The following CAPN6 variants were observed in gnomAD, a reference collection of about 807,000 sequenced individuals.
CAPN6 encodes calpain 6, also known as calpain-6.
In CAPN6, 16 loss-of-function variants were observed where a neutral mutation model predicts 46.0. The observed-to-expected ratio is 0.35, with a 90% CI of 0.24 to 0.53. The LOEUF (loss-of-function observed/expected upper bound fraction) is 0.53. CAPN6 is among the 20% of genes least tolerant of loss of function. The probability of loss-of-function intolerance (pLI) is 0.94; values close to 1 mark genes in which losing one functional copy is unlikely to be tolerated. For missense variants in CAPN6, 461 were observed against 498.0 expected (o/e 0.93, Z 0.71); for synonymous variants, 206 against 172.8 (o/e 1.19, Z -1.51).
At chrX:111,246,900 A>G in intron 12 of CAPN6, 141 bp from the exon 13 acceptor site, 2 of 486,762 alleles carry the variant, frequency 4.1e-6, no homozygotes, top group Non-Finnish European at 6.6e-6. Flanking sequence ...CTGATAGCCC[A>G]TCAGTTGAGG....
At chrX:111,246,804 A>G (rs199510760) in intron 12 of CAPN6, 45 bp from the exon 13 acceptor site, 189 of 1,073,299 alleles carry the variant, frequency 1.8e-4, no homozygotes, top group Non-Finnish European at 2.1e-4. Context: ...GCCCTCAGTG[A>G]GATTAGCCTT....
intron 1 of CAPN6, among the ~76,000 whole-genome samples, chrX:111,266,032 T>G (rs1366811318): frequency 9.1e-6 from 1 of 109,786 alleles, no homozygotes; most frequent in East Asian, 2.9e-4. Flanking sequence ...CGGAACACCT[T>G]TTGGGTCAGG....
At chrX:111,256,092 G>GA (rs2094983517) in intron 2 of CAPN6, among the ~76,000 whole-genome samples, 1 of 111,446 alleles carries the variant, frequency 9.0e-6, no homozygotes, top group Admixed American at 9.5e-5. Flanking sequence ...TTTTGAGCAA[G>GA]ATGTCAAAGT....
Position 111,248,997 on chromosome X carries a change from G to C in CAPN6, c.1219C>G (p.Leu407Val). The change falls in exon 9 of 13, where the codon CTG becomes GTG. Residue 407 changes from leucine to valine, a missense_variant. Physicochemically the swap from Leu to Val is conservative, Grantham distance 32 (BLOSUM62 1). Coordinates refer to ENST00000324068, the MANE Select transcript of CAPN6 (RefSeq NM_014289.4). ...CTTCCCATTCGGCGGTAAGTGCGCAGGTCCTTCTGCTGCAGTGACATAATG... is the reference window on the plus strand; with the variant it reads ...CTTCCCATTCGGCGGTAAGTGCGCACGTCCTTCTGCTGCAGTGACATAATG... ...KVIMSLQQKDLRTYRRMGRPD... is the reference protein window; with the variant it reads ...KVIMSLQQKDVRTYRRMGRPD... 1.7e-6 allele frequency: 2 copies of C among 1,211,260 alleles called. No individual in the cohort carries two copies. The highest frequency in any genetic ancestry group is 2.2e-6 in the Non-Finnish European group (2 of 895,087).
At chrX:111,252,920 G>T in intron 4 of CAPN6, 88 bp downstream of exon 4, 2 of 765,448 alleles carry the variant, frequency 2.6e-6, no homozygotes, top group Non-Finnish European at 3.8e-6. Flanking sequence ...CTCCAGGGTT[G>T]GGCTGGGAGA....
At chrX:111,250,842 CAG>C in intron 8 of CAPN6, 73 bp downstream of exon 8, 2 of 951,134 alleles carry the variant, frequency 2.1e-6, no homozygotes, top group Non-Finnish European at 3.0e-6. Context: ...AGAAATACTC[CAG>C]AGATGACCAA....
Position 111,246,692 on chromosome X carries a change from T to C in CAPN6, c.1811A>G (p.Asp604Gly), listed in dbSNP as rs1309630761. Residue 604 changes from aspartate to glycine, a missense_variant, in exon 13 of 13, where the codon GAC (aspartate) becomes GGC (glycine). Coordinates refer to ENST00000324068, the MANE Select transcript of CAPN6 (RefSeq NM_014289.4). ...GTACAGAGACTTCAGATCACGGCAG[T>C]CGCTGGGGTCAGCATCCAGAGTAAC... ...GQVTLDADPS[D>G]CRDLKSLYLR... The C allele has an allele frequency of 8.3e-7, 1 of 1,210,872 alleles. No homozygotes were observed. Among genetic ancestry groups the C allele is most frequent in the South Asian group, 1.8e-5 (1 of 56,884 alleles).
chrX:111,268,297 A>G (rs2094993495), intron 1 of CAPN6, among the ~76,000 whole-genome samples: 1 of 112,639 alleles, frequency 8.9e-6, no homozygotes, highest in Admixed American at 9.4e-5. Context: ...AAATGATAAA[A>G]GGAACACAGG....
chrX:111,253,139 G>C lies in CAPN6; in HGVS notation c.375C>G (p.Phe125Leu). 8.3e-7 allele frequency: 1 copy of C among 1,211,204 alleles called. No homozygotes were observed. Among genetic ancestry groups the C allele is most frequent in the Non-Finnish European group, 1.1e-6 (1 of 894,786 alleles). The change falls in exon 4 of 13, where the codon TTC (phenylalanine) becomes TTG (leucine). Residue 125 changes from phenylalanine (F) to leucine (L), a missense_variant. Physicochemically the swap from Phe to Leu is conservative, Grantham distance 22. Transcript: ENST00000324068. ...EKYAGIFHFR[F>L]WHFGEWTEVV... ...CTTCAGTCCATTCTCCAAAATGCCA[G>C]AAACGAAAGTGAAATATCCCAGCGT...
chrX:111,248,856 A>G (rs975305637), intron 9 of CAPN6, 79 bp downstream of exon 9: 1 of 1,187,633 alleles, frequency 8.4e-7, no homozygotes, highest in African/African-American at 1.8e-5. Flanking sequence ...TAGGCCTTCC[A>G]TTCTTCCCCT....
chrX:111,254,761 A>G (rs1437871718), intron 2 of CAPN6, among the ~76,000 whole-genome samples: 1 of 111,602 alleles, frequency 9.0e-6, no homozygotes, highest in East Asian at 2.8e-4. Context: ...TTAGTACATT[A>G]CATTCTGATC....
chrX:111,251,386 C>G (rs2094979355), intron 6 of CAPN6, 100 bp from the exon 7 acceptor site: 2 of 958,370 alleles, frequency 2.1e-6, no homozygotes, highest in Non-Finnish European at 2.9e-6. Flanking sequence ...GCATGAGGAT[C>G]AGTCCTGCTT....
At chrX:111,251,168 G>A (rs1283210239) in intron 7 of CAPN6, 41 bp downstream of exon 7, 2 of 1,200,697 alleles carry the variant, frequency 1.7e-6, no homozygotes, top group African/African-American at 3.5e-5. Flanking sequence ...GTAGTTCCAT[G>A]TAGAAGCCCC....
At chrX:111,270,321 TC>T (rs764502559) in intron 1 of CAPN6, 49 bp downstream of exon 1, 29 of 290,184 alleles carry the variant, frequency 1.0e-4, no homozygotes, top group Non-Finnish European at 1.8e-4. Context: ...CGCTAAGTTA[TC>T]CAGGAAATAA....
intron 2 of CAPN6, among the ~76,000 whole-genome samples, chrX:111,258,752 A>G: frequency 8.9e-6 from 1 of 112,163 alleles, no homozygotes; most frequent in South Asian, 3.8e-4. Flanking sequence ...TCACTGTGTA[A>G]TCATTTTCTC....
chrX:111,246,302 CA>C lies in CAPN6; in HGVS notation c.*274del. On this transcript the variant is annotated 3_prime_UTR_variant, in exon 13 of 13. Coordinates refer to ENST00000324068, the MANE Select transcript of CAPN6 (RefSeq NM_014289.4). ...TCTTGTTATTGTCCTACTTGAATCT[CA>C]CCCCCGGAAGCCCCAGAGATCCTTT... The C allele has an allele frequency of 3.1e-6, 1 of 326,094 alleles. No homozygotes were observed. The highest frequency in any genetic ancestry group is 5.3e-6 in the Non-Finnish European group (1 of 187,319). The allele number at this position is 326,094 out of a possible 1,213,427, so 26.9% of individuals were successfully genotyped here.
chrX:111,253,333 G>C, intron 3 of CAPN6, 117 bp from the exon 4 acceptor site: 2 of 560,702 alleles, frequency 3.6e-6, no homozygotes, highest in South Asian at 2.9e-5. Flanking sequence ...ACATACACCT[G>C]GTTTGAGTCT....
Position 111,252,436 on chromosome X carries a change from C to A in CAPN6, c.570G>T (p.Thr190=). 13 of 1,210,950 alleles carry A rather than the reference C, an allele frequency of 1.1e-5. No homozygotes were observed. The highest frequency in any genetic ancestry group is 1.5e-5 in the Non-Finnish European group (13 of 894,948). The part of the protein sequence containing the change: ...LTITDIIVDF[T]GTLAETVDMQ... ...TGTCAACAGTTTCAGCCAATGTGCCCGTGAAGTCCACAATAATATCAGTGA... is the reference window on the plus strand; with the variant it reads ...TGTCAACAGTTTCAGCCAATGTGCCAGTGAAGTCCACAATAATATCAGTGA... The change falls in exon 5 of 13, where the codon ACG becomes ACT. Residue 190 remains threonine, a synonymous_variant. Transcript: ENST00000324068.
At position 111,269,926 on chromosome X, in the gene CAPN6, G is replaced by A. The variant is rs377761405; in HGVS notation, c.-16+445C>T. ...ACAGTGTGGCTCCAAGATTTTGCTCGCATTTCAATAATTTTCCCACAGCTG... is the reference window on the plus strand; with the variant it reads ...ACAGTGTGGCTCCAAGATTTTGCTCACATTTCAATAATTTTCCCACAGCTG... On this transcript the variant is annotated intron_variant, in intron 1 of 12. Transcript: ENST00000324068. 3.6e-5 allele frequency among the ~76,000 whole-genome samples: 4 copies of A among 111,796 alleles called. No homozygotes were observed. In the East Asian group the frequency reaches 8.5e-4, roughly 24 times the overall value.
Sources: allele counts gnomAD v4.1 joint callset (sites outside exome capture counted in the v4.1 genomes callset), GRCh38; gene constraint gnomAD v4.1.1; transcripts MANE v1.5; gene names NCBI Gene and HGNC (gene_info 2026-07-23, HGNC 2026-07-21).